The following ANXA4 variants were observed in gnomAD, a reference collection of about 807,000 sequenced individuals.
ANXA4 encodes annexin A4.
A neutral mutation model predicts 49.8 loss-of-function variants in ANXA4; 39 were observed. The observed-to-expected ratio is 0.78, with a 90% CI of 0.61 to 1.02. The LOEUF (loss-of-function observed/expected upper bound fraction) is 1.02, where lower values mean the gene tolerates loss of function less well. Ranked by LOEUF, ANXA4 falls within the 50% of genes least tolerant of loss-of-function variation. ANXA4 has a pLI of 0.00. For missense variants in ANXA4, 360 were observed against 410.1 expected (o/e 0.88, Z 1.05); for synonymous variants, 134 against 152.5 (o/e 0.88, Z 0.89).
In ANXA4 at chr2:69,825,528, A is replaced by G; in HGVS notation, c.*13A>G. On this transcript the variant is annotated 3_prime_UTR_variant, in exon 13 of 13. Transcript: ENST00000394295. ...AGGAGATGATTAAAATAAAAATCCC[A>G]GAAGGACAGGAGGATTCTCAACACT... 2 of 1,601,708 alleles carry G rather than the reference A, an allele frequency of 1.2e-6. No individual in the cohort carries two copies. Among genetic ancestry groups the G allele is most frequent in the East Asian group, 2.2e-5 (1 of 44,700 alleles).
intron 1 of ANXA4, among the ~76,000 whole-genome samples, chr2:69,766,107 T>G (rs1298355807): frequency 1.3e-5 from 2 of 152,202 alleles, no homozygotes; most frequent in Non-Finnish European, 2.9e-5. Context: ...CAGAGGACCT[T>G]ACGGACTTGG....
Position 69,804,553 on chromosome 2 carries a change from A to G in ANXA4, c.118A>G (p.Ile40Val). 6.2e-7 allele frequency: 1 copy of G among 1,613,878 alleles called. No homozygotes were observed. Among genetic ancestry groups the G allele is most frequent in the Non-Finnish European group, 8.5e-7 (1 of 1,179,914 alleles). The change falls in exon 4 of 13, where the codon ATT becomes GTT. Residue 40 changes from isoleucine (I) to valine (V), a missense_variant. Coordinates refer to ENST00000394295, the MANE Select transcript of ANXA4 (RefSeq NM_001153.5). ...KGLGTDEDAI[I>V]SVLAYRNTAQ... ...CCCAGGCACCGATGAAGACGCCATTATTAGCGTCCTTGCCTACCGCAACAC... is the reference window on the plus strand; with the variant it reads ...CCCAGGCACCGATGAAGACGCCATTGTTAGCGTCCTTGCCTACCGCAACAC...
At chr2:69,695,330 G>A (rs1678127564) in intron 2 of ANXA4, among the ~76,000 whole-genome samples, 1 of 152,000 alleles carries the variant, frequency 6.6e-6, no homozygotes, top group African/African-American at 2.4e-5. Flanking sequence ...TTTGTCCTGG[G>A]GTTCATACCA....
chr2:69,760,261 T>C (rs1029472113), intron 1 of ANXA4, among the ~76,000 whole-genome samples: 9 of 152,192 alleles, frequency 5.9e-5, no homozygotes, highest in African/African-American at 2.2e-4. Context: ...AACCAAACAG[T>C]AGTGAAAAGA....
intron 1 of ANXA4, among the ~76,000 whole-genome samples, chr2:69,773,759 G>C (rs1254619165): frequency 6.6e-6 from 1 of 150,738 alleles, no homozygotes; most frequent in African/African-American, 2.4e-5. Flanking sequence ...AGCCTCCCGA[G>C]TATCTGGGAT....
chr2:69,708,048 C>T (rs947028769), intron 2 of ANXA4, among the ~76,000 whole-genome samples: 1 of 152,184 alleles, frequency 6.6e-6, no homozygotes, highest in African/African-American at 2.4e-5. Flanking sequence ...GCAGAGTGCC[C>T]AACATAGAAC....
chr2:69,717,593 C>T lies in ANXA4; in HGVS notation n.767-3181C>T, dbSNP rs193143301. Among the ~76,000 whole-genome samples the T allele has an allele frequency of 4.2e-3, 647 of 152,284 alleles. 4 individuals are homozygous for T. Among genetic ancestry groups the T allele is most frequent in the African/African-American group, 0.015 (617 of 41,540 alleles). ...CATCCTTTTCATTTCTGGAATTACCCGTCGCTGCATCTTTCTGTTACCGCC... is the reference window on the plus strand; with the variant it reads ...CATCCTTTTCATTTCTGGAATTACCTGTCGCTGCATCTTTCTGTTACCGCC... On this transcript the variant is annotated intron_variant and non_coding_transcript_variant, in intron 2 of 3. Coordinates refer to the ANXA4 transcript ENST00000418066.
intron 3 of ANXA4, among the ~76,000 whole-genome samples, chr2:69,801,403 G>GTTT (rs11404114): frequency 6.8e-6 from 1 of 148,018 alleles, no homozygotes; most frequent in African/African-American, 2.5e-5. Context: ...TCTGTTTTTT[G>GTTT]TTTTTTTTTT....
intron 1 of ANXA4, among the ~76,000 whole-genome samples, chr2:69,756,334 T>A (rs1671038469): frequency 6.6e-6 from 1 of 152,212 alleles, no homozygotes; most frequent in Non-Finnish European, 1.5e-5. Context: ...CAGGGGAAGA[T>A]GAGTCACATA....
chr2:69,807,887 C>G lies in ANXA4; in HGVS notation c.307-19C>G. On this transcript the variant is annotated intron_variant, in intron 5 of 12. Coordinates refer to ENST00000394295, the MANE Select transcript of ANXA4 (RefSeq NM_001153.5). Reference sequence around the variant, plus strand: ...TGTAAACTGGCTCATATAGCCCTGTCCTCTGGTTTCTTGTTTAGGGAGCCG... The same window carrying G: ...TGTAAACTGGCTCATATAGCCCTGTGCTCTGGTTTCTTGTTTAGGGAGCCG... 6.2e-7 allele frequency: 1 copy of G among 1,611,860 alleles called. No individual in the cohort carries two copies. Among genetic ancestry groups the G allele is most frequent in the Non-Finnish European group, 8.5e-7 (1 of 1,178,086 alleles).
At chr2:69,701,320 C>T (rs545054486) in intron 2 of ANXA4, among the ~76,000 whole-genome samples, 2 of 152,252 alleles carry the variant, frequency 1.3e-5, no homozygotes, top group East Asian at 1.9e-4. Context: ...TTCCTCATCT[C>T]GGACTGAAAC....
chr2:69,658,252 T>A (rs558108920), intron 2 of ANXA4, among the ~76,000 whole-genome samples: 1 of 151,576 alleles, frequency 6.6e-6, no homozygotes, highest in African/African-American at 2.4e-5. Flanking sequence ...ACAAAAAAAT[T>A]AGCTTGGCGT....
At chr2:69,752,735 A>G (rs113521318) in intron 1 of ANXA4, among the ~76,000 whole-genome samples, 1,620 of 152,334 alleles carry the variant, frequency 0.011, 39 homozygotes, top group African/African-American at 0.037. Flanking sequence ...GGCCCTTGCT[A>G]GAAGTGTGCA....
At chr2:69,784,184 T>C (rs4853017) in intron 2 of ANXA4, among the ~76,000 whole-genome samples, 54,155 of 152,078 alleles carry the variant, frequency 0.36, 10,877 homozygotes, top group East Asian at 0.51. Context: ...GATAATGGCC[T>C]ATTATACTCT....
chr2:69,799,265 G>A (rs1349676057), intron 3 of ANXA4, among the ~76,000 whole-genome samples: 2 of 152,058 alleles, frequency 1.3e-5, no homozygotes, highest in Non-Finnish European at 2.9e-5. Context: ...GCAGGCATCC[G>A]CCCCATGAGT....
At chr2:69,755,358 G>T (rs563391647) in intron 1 of ANXA4, among the ~76,000 whole-genome samples, 3 of 152,196 alleles carry the variant, frequency 2.0e-5, no homozygotes, top group Non-Finnish European at 4.4e-5. Flanking sequence ...AGTGGCTCAC[G>T]CCTGTAATCC....
At chr2:69,655,869 C>T (rs1676419250) in intron 2 of ANXA4, among the ~76,000 whole-genome samples, 2 of 152,030 alleles carry the variant, frequency 1.3e-5, no homozygotes, top group Non-Finnish European at 2.9e-5. Flanking sequence ...GAGTTCATGT[C>T]CTTTGCAGGA....
chr2:69,752,999 A>T (rs879569577), intron 1 of ANXA4, among the ~76,000 whole-genome samples: 1 of 152,160 alleles, frequency 6.6e-6, no homozygotes, highest in Non-Finnish European at 1.5e-5. Flanking sequence ...TCCCATTATT[A>T]TTCAAAGCCT....
intron 2 of ANXA4, among the ~76,000 whole-genome samples, chr2:69,686,174 C>CTTGTATTGTT (rs370216223): frequency 6.6e-6 from 1 of 151,622 alleles, no homozygotes; most frequent in Non-Finnish European, 1.5e-5. Flanking sequence ...GAGACAGGGT[C>CTTGTATTGTT]TTGTTTTGTT....
Sources: allele counts gnomAD v4.1 joint callset (sites outside exome capture counted in the v4.1 genomes callset), GRCh38; gene constraint gnomAD v4.1.1; transcripts MANE v1.5; gene names NCBI Gene and HGNC (gene_info 2026-07-23, HGNC 2026-07-21).